The following PGPEP1L variants were observed in gnomAD, a reference collection of about 807,000 sequenced individuals.
PGPEP1L encodes pyroglutamyl-peptidase I like, also known as pyroglutamyl-peptidase 1-like protein.
PGPEP1L carries 7 observed loss-of-function variants against 6.0 expected under a neutral mutation model. That is an observed-to-expected ratio of 1.17 (90% confidence interval 0.66 to 2.19). The LOEUF (loss-of-function observed/expected upper bound fraction) is 2.19, where lower values mean the gene tolerates loss of function less well. Among genes scored for constraint, PGPEP1L ranks in the 30% most tolerant of loss-of-function variants. The pLI is 0.00. For synonymous variants in PGPEP1L, 103 were observed against 83.9 expected (o/e 1.23, Z -1.24); for missense variants, 209 against 192.5 (o/e 1.09, Z -0.51).
chr15:98,980,987 C>T (rs1469075167), intron 2 of PGPEP1L, among the ~76,000 whole-genome samples: 3 of 152,080 alleles, frequency 2.0e-5, no homozygotes, highest in South Asian at 4.2e-4. Context: ...ACAAACACTC[C>T]CTCCACCAAG....
chr15:98,981,692 A>G (rs918141663), intron 2 of PGPEP1L, among the ~76,000 whole-genome samples: 1 of 152,222 alleles, frequency 6.6e-6, no homozygotes, highest in African/African-American at 2.4e-5. Context: ...TAAAGGTAAT[A>G]TATTCCTACT....
At chr15:98,987,669 C>A (rs1317714980) in intron 2 of PGPEP1L, among the ~76,000 whole-genome samples, 1 of 152,278 alleles carries the variant, frequency 6.6e-6, no homozygotes, top group African/African-American at 2.4e-5. Context: ...ACATACTCTA[C>A]TTCTACTCTT....
In PGPEP1L at chr15:98,969,613, C is replaced by T. The variant is rs566446012; in HGVS notation, c.21G>A (p.Ala7=). MDTAAK[A]IILEQSGKNQ... ...TCTTGCCAGACTGTTCCAGAATGATCGCCTTGGCGGCGGTGTCCATGCCCA... is the reference window on the plus strand; with the variant it reads ...TCTTGCCAGACTGTTCCAGAATGATTGCCTTGGCGGCGGTGTCCATGCCCA... Residue 7 remains alanine, a synonymous_variant, in exon 4 of 5, where the codon GCG becomes GCA. Transcript: ENST00000535714. 1.5e-5 allele frequency: 24 copies of T among 1,613,206 alleles called. No individual in the cohort carries two copies. Among genetic ancestry groups the T allele is most frequent in the Middle Eastern group, 1.6e-4 (1 of 6,062 alleles).
At chr15:98,973,996 A>C (rs997893519) in intron 2 of PGPEP1L, among the ~76,000 whole-genome samples, 1 of 152,258 alleles carries the variant, frequency 6.6e-6, no homozygotes, top group Non-Finnish European at 1.5e-5. Context: ...AAAATTTGAT[A>C]TGAAAAAGGA....
intron 2 of PGPEP1L, among the ~76,000 whole-genome samples, chr15:98,983,666 T>C (rs1479714588): frequency 2.6e-5 from 4 of 152,188 alleles, no homozygotes; most frequent in Non-Finnish European, 1.5e-5. Flanking sequence ...ATGTAAAACT[T>C]GAGACTAAGA....
chr15:98,969,412 C>G lies in PGPEP1L; in HGVS notation c.209+13G>C. ...TCCTACCTGCTCAGAGTCCTGACAC[C>G]CACAGAGCATACCTGCCTGCATCTC... On this transcript the variant is annotated intron_variant, in intron 4 of 4. Transcript: ENST00000535714. The G allele has an allele frequency of 6.2e-7, 1 of 1,613,810 alleles. No homozygotes were observed. The highest frequency in any genetic ancestry group is 8.5e-7 in the Non-Finnish European group (1 of 1,179,780).
At chr15:99,007,165 C>G (rs1485519812) in intron 1 of PGPEP1L, among the ~76,000 whole-genome samples, 194 bp downstream of exon 1, 1 of 152,202 alleles carries the variant, frequency 6.6e-6, no homozygotes, top group African/African-American at 2.4e-5. Flanking sequence ...TGGGAAGCGC[C>G]ATTTGCTCCC....
chr15:98,985,345 C>T (rs1567239008), intron 2 of PGPEP1L, among the ~76,000 whole-genome samples: 1 of 152,128 alleles, frequency 6.6e-6, no homozygotes, highest in African/African-American at 2.4e-5. Flanking sequence ...TCGAGACCAG[C>T]CTGGCCAACA....
intron 2 of PGPEP1L, among the ~76,000 whole-genome samples, chr15:98,978,003 TTAC>T (rs1474010882): frequency 6.6e-6 from 1 of 152,184 alleles, no homozygotes; most frequent in African/African-American, 2.4e-5. Context: ...AGGAATAGTC[TTAC>T]AAGTGGGCAA....
chr15:98,972,859 TG>T (rs1337182257), intron 2 of PGPEP1L, among the ~76,000 whole-genome samples: 1 of 104,242 alleles, frequency 9.6e-6, no homozygotes, highest in African/African-American at 4.0e-5. Context: ...GGTGACAGAG[TG>T]AGACTCCGTC....
chr15:98,991,380 C>T (rs374963992), intron 2 of PGPEP1L, among the ~76,000 whole-genome samples: 2 of 152,138 alleles, frequency 1.3e-5, no homozygotes, highest in African/African-American at 2.4e-5. Flanking sequence ...AATCCCTGGA[C>T]ACATACACCC....
chr15:98,971,653 C>T (rs370922056), intron 2 of PGPEP1L, among the ~76,000 whole-genome samples: 8 of 152,282 alleles, frequency 5.3e-5, no homozygotes, highest in Admixed American at 3.9e-4. Context: ...TCTTACAAAT[C>T]TAAAGGGTTC....
chr15:98,982,615 G>A (rs965100460), intron 2 of PGPEP1L, among the ~76,000 whole-genome samples: 1 of 151,846 alleles, frequency 6.6e-6, no homozygotes, highest in Non-Finnish European at 1.5e-5. Flanking sequence ...CGCTGAGCTG[G>A]GGGCTATCAT....
intron 2 of PGPEP1L, among the ~76,000 whole-genome samples, chr15:99,001,472 TA>T (rs1296003613): frequency 1.2e-4 from 19 of 152,202 alleles, no homozygotes; most frequent in Non-Finnish European, 2.5e-4. Context: ...GAAAATGTTC[TA>T]AAATTGACTG....
At chr15:98,992,159 GTC>G (rs1256433358) in intron 2 of PGPEP1L, among the ~76,000 whole-genome samples, 1 of 152,150 alleles carries the variant, frequency 6.6e-6, no homozygotes, top group African/African-American at 2.4e-5. Flanking sequence ...AAGTCAAATT[GTC>G]TCTGTTTGCA....
At chr15:99,005,845 G>A (rs1416057628) in intron 1 of PGPEP1L, among the ~76,000 whole-genome samples, 189 bp from the exon 2 acceptor site, 1 of 152,176 alleles carries the variant, frequency 6.6e-6, no homozygotes, top group African/African-American at 2.4e-5. Context: ...AAGGATGTCT[G>A]GGACGGAACA....
At chr15:98,982,227 T>C (rs1173269155) in intron 2 of PGPEP1L, among the ~76,000 whole-genome samples, 1 of 152,208 alleles carries the variant, frequency 6.6e-6, no homozygotes, top group Non-Finnish European at 1.5e-5. Context: ...AAGGTGTGGA[T>C]TCCATCTGCA....
At chr15:98,981,407 G>A (rs1056200342) in intron 2 of PGPEP1L, among the ~76,000 whole-genome samples, 4 of 150,300 alleles carry the variant, frequency 2.7e-5, no homozygotes, top group Admixed American at 1.3e-4. Flanking sequence ...GGAGAATGGC[G>A]TGAACCCGGG....
rs1202318225 is a variant in PGPEP1L, at chr15:99,000,877, G to A, written c.-142+4552C>T. ...TCCCCTTCCACACTGTGGAAGCTTT[G>A]TTCTTTCGCTCTTTACAATCAATCT... On this transcript the variant is annotated intron_variant, in intron 2 of 4. Transcript: ENST00000535714. Among the ~76,000 whole-genome samples the A allele has an allele frequency of 2.6e-5, 4 of 152,236 alleles. 1 individual carries two copies. In the South Asian group the frequency reaches 8.3e-4, roughly 32 times the overall value.
Sources: allele counts gnomAD v4.1 joint callset (sites outside exome capture counted in the v4.1 genomes callset), GRCh38; gene constraint gnomAD v4.1.1; transcripts MANE v1.5; gene names NCBI Gene and HGNC (gene_info 2026-07-23, HGNC 2026-07-21).